TIAM1: variants seen among roughly 807,000 people sequenced by gnomAD.
The protein encoded by TIAM1 is rho guanine nucleotide exchange factor TIAM1.
TIAM1 carries 65 observed loss-of-function variants against 163.5 expected under a neutral mutation model. The observed-to-expected ratio is 0.40, with a 90% confidence interval of 0.33 to 0.49. The LOEUF (loss-of-function observed/expected upper bound fraction) is 0.49, where lower values mean the gene tolerates loss of function less well. Ranked by LOEUF, TIAM1 falls within the 20% of genes least tolerant of loss-of-function variation. The pLI is 0.77. For synonymous variants in TIAM1, 833 were observed against 810.1 expected, an observed-to-expected ratio of 1.03 and a Z score of -0.48; for missense variants, 1,789 against 2,044.7, an observed-to-expected ratio of 0.87 and a Z score of 2.41.
At chr21:31,360,111 T>C (rs1290495599) in intron 2 of TIAM1, among the ~76,000 whole-genome samples, 3 of 152,142 alleles carry the variant, frequency 2.0e-5, no homozygotes, top group Non-Finnish European at 4.4e-5. Context: ...TGATGAGCTA[T>C]TGTACTAAGA....
In TIAM1 at chr21:31,145,485, C is replaced by T. The variant is rs932008314; in HGVS notation, c.3475+1410G>A. The stretch of plus-strand genomic sequence containing the variant: ...AAAATCAAACTTTCTGTTGGTGCAA[C>T]TGTTTGCCAAGAAAATGTTTCCTTA... On this transcript the variant is annotated intron_variant, in intron 20 of 27. Coordinates refer to ENST00000541036, the MANE Select transcript of TIAM1 (RefSeq NM_001353694.2). 7.9e-5 allele frequency among the ~76,000 whole-genome samples: 12 copies of T among 152,156 alleles called. 1 individual carries two copies. The highest frequency in any genetic ancestry group is 1.5e-5 in the Non-Finnish European group (1 of 68,028).
intron 1 of TIAM1, among the ~76,000 whole-genome samples, chr21:31,527,701 T>A (rs2047833193): frequency 6.6e-6 from 1 of 152,074 alleles, no homozygotes; most frequent in South Asian, 2.1e-4. Context: ...CATTCCACCC[T>A]GTCACTTATC....
At chr21:31,129,206 T>C (rs2082319048) in intron 25 of TIAM1, among the ~76,000 whole-genome samples, 1 of 152,222 alleles carries the variant, frequency 6.6e-6, no homozygotes, top group Non-Finnish European at 1.5e-5. Flanking sequence ...ATTCCTCCTC[T>C]TGAGAACTTG....
At chr21:31,444,603 T>C (rs1484926749) in intron 2 of TIAM1, among the ~76,000 whole-genome samples, 3 of 152,128 alleles carry the variant, frequency 2.0e-5, no homozygotes, top group Non-Finnish European at 4.4e-5. Context: ...GAGACTGGAC[T>C]AATTATCAGG....
chr21:31,508,889 T>C (rs114785889), intron 1 of TIAM1, among the ~76,000 whole-genome samples: 5,057 of 152,136 alleles, frequency 0.033, 303 homozygotes, highest in African/African-American at 0.11. Context: ...ATGCGCACAC[T>C]ATTGGTATTA....
chr21:31,386,676 C>G (rs545935), intron 2 of TIAM1, among the ~76,000 whole-genome samples: 107,643 of 152,006 alleles, frequency 0.71, 39,251 homozygotes, highest in African/African-American at 0.9. Context: ...GTGCAAGTGT[C>G]CAACATGTGC....
chr21:31,343,854 G>C (rs143153048), intron 1 of TIAM1, among the ~76,000 whole-genome samples: 2,784 of 152,256 alleles, frequency 0.018, 37 homozygotes, highest in South Asian at 0.031. Context: ...GAAAGATGAC[G>C]CTTTCAAAGC....
intron 2 of TIAM1, among the ~76,000 whole-genome samples, chr21:31,400,510 G>GTGGA (rs2077147200): frequency 6.6e-6 from 1 of 152,148 alleles, no homozygotes; most frequent in Non-Finnish European, 1.5e-5. Flanking sequence ...CAAGATCTTT[G>GTGGA]TGGATTTTCT....
intron 1 of TIAM1, among the ~76,000 whole-genome samples, chr21:31,488,048 T>G (rs2046336989): frequency 6.6e-6 from 1 of 152,184 alleles, no homozygotes; most frequent in African/African-American, 2.4e-5. Context: ...TATTTGTAAC[T>G]CCTGACCTCA....
intron 6 of TIAM1, among the ~76,000 whole-genome samples, chr21:31,231,095 C>T (rs916549597): frequency 8.6e-5 from 13 of 151,884 alleles, no homozygotes; most frequent in African/African-American, 3.2e-4. Context: ...CAACAAAAGC[C>T]TGATTCGCCC....
At chr21:31,340,692 T>G (rs1193388846) in intron 1 of TIAM1, among the ~76,000 whole-genome samples, 1 of 152,016 alleles carries the variant, frequency 6.6e-6, no homozygotes. Flanking sequence ...AGTAACTAAA[T>G]TTAACACACT....
intron 2 of TIAM1, among the ~76,000 whole-genome samples, chr21:31,314,563 C>A (rs2075040628): frequency 6.6e-6 from 1 of 152,068 alleles, no homozygotes. Flanking sequence ...ATTTCTCAAC[C>A]CCAGTACACA....
At chr21:31,434,101 A>C (rs1024241566) in intron 2 of TIAM1, among the ~76,000 whole-genome samples, 5 of 152,144 alleles carry the variant, frequency 3.3e-5, no homozygotes, top group African/African-American at 1.2e-4. Context: ...TAAATGTCCA[A>C]ATATTTGTTT....
chr21:31,478,272 G>T (rs914556917), intron 1 of TIAM1, among the ~76,000 whole-genome samples: 6 of 152,184 alleles, frequency 3.9e-5, no homozygotes, highest in African/African-American at 1.4e-4. Context: ...TAGAAAGTTT[G>T]TCATCCATTC....
intron 13 of TIAM1, among the ~76,000 whole-genome samples, chr21:31,190,819 G>A (rs1352153927): frequency 1.3e-5 from 2 of 152,148 alleles, no homozygotes; most frequent in Non-Finnish European, 2.9e-5. Flanking sequence ...TCAGTCAGTT[G>A]GATTATTAAA....
intron 4 of TIAM1, among the ~76,000 whole-genome samples, chr21:31,264,358 C>T (rs1030013750): frequency 7.2e-5 from 11 of 152,144 alleles, no homozygotes; most frequent in Admixed American, 2.0e-4. Context: ...ACAACTACCC[C>T]GAGTCCTCAA....
intron 12 of TIAM1, among the ~76,000 whole-genome samples, chr21:31,201,380 AT>A (rs2086191690): frequency 6.6e-6 from 1 of 152,224 alleles, no homozygotes; most frequent in Admixed American, 6.5e-5. Context: ...AGGGCTCATT[AT>A]TTTGATAATC....
chr21:31,518,060 C>G (rs2047442350), intron 1 of TIAM1, among the ~76,000 whole-genome samples: 2 of 152,112 alleles, frequency 1.3e-5, no homozygotes, highest in Admixed American at 1.3e-4. Context: ...TCCCGTTAAT[C>G]TGTCTTTTGC....
At chr21:31,368,071 T>C (rs2061580904) in intron 2 of TIAM1, among the ~76,000 whole-genome samples, 1 of 152,212 alleles carries the variant, frequency 6.6e-6, no homozygotes, top group African/African-American at 2.4e-5. Flanking sequence ...AAAGAATTCA[T>C]TTTAAAACAT....
Sources: allele counts gnomAD v4.1 joint callset (sites outside exome capture counted in the v4.1 genomes callset), GRCh38; gene constraint gnomAD v4.1.1; transcripts MANE v1.5; gene names NCBI Gene and HGNC (gene_info 2026-07-23, HGNC 2026-07-21).